Variants in MALT1 observed in about 807,000 individuals in gnomAD.
The protein encoded by MALT1 is MALT1 paracaspase, also known as mucosa-associated lymphoid tissue lymphoma translocation protein 1.
MALT1 carries 36 observed loss-of-function variants against 85.5 expected under a neutral mutation model. That is an observed-to-expected ratio of 0.42 (90% confidence interval 0.32 to 0.56). The LOEUF (loss-of-function observed/expected upper bound fraction) is 0.56, where lower values mean the gene tolerates loss of function less well. Ranked by LOEUF, MALT1 falls within the 20% of genes least tolerant of loss-of-function variation. The probability of loss-of-function intolerance (pLI) is 0.10; values close to 1 mark genes in which losing one functional copy is unlikely to be tolerated. For synonymous variants in MALT1, 359 were observed against 361.3 expected (o/e 0.99, Z 0.07); for missense variants, 716 against 981.6 (o/e 0.73, Z 3.62).
chr18:58,673,754 A>AT (rs2054201310), intron 1 of MALT1, among the ~76,000 whole-genome samples: 1 of 152,042 alleles, frequency 6.6e-6, no homozygotes, highest in East Asian at 1.9e-4. Context: ...TGGCCACATT[A>AT]TTTTCTTAAA....
In MALT1 at chr18:58,746,585, G is replaced by A. The variant is rs148847613; in HGVS notation, c.2037+794G>A. Among the ~76,000 whole-genome samples, 296 of 152,158 alleles carry A rather than the reference G, an allele frequency of 1.9e-3. 1 individual carries two copies. The highest frequency in any genetic ancestry group is 3.4e-3 in the Admixed American group (52 of 15,298). The stretch of plus-strand genomic sequence containing the variant: ...ACATAAACCTGTTGTCATCCTGTTC[G>A]GAGCTCATCTACTTAAAATCCTTTC... On this transcript the variant is annotated intron_variant, in intron 16 of 16. Coordinates refer to ENST00000649217, the MANE Select transcript of MALT1 (RefSeq NM_006785.4).
chr18:58,721,475 C>G (rs748391799), intron 9 of MALT1, among the ~76,000 whole-genome samples: 1 of 152,116 alleles, frequency 6.6e-6, no homozygotes, highest in Non-Finnish European at 1.5e-5. Context: ...ATTAATAATG[C>G]GGCTTAAGTA....
At chr18:58,697,472 G>A (rs1304895297) in intron 3 of MALT1, among the ~76,000 whole-genome samples, 2 of 152,190 alleles carry the variant, frequency 1.3e-5, no homozygotes, top group Non-Finnish European at 2.9e-5. Context: ...TATTAGCCAT[G>A]TGAATTCCTA....
chr18:58,715,934 G>T lies in MALT1; in HGVS notation c.986-1G>T. The T allele has an allele frequency of 6.2e-7, 1 of 1,601,776 alleles. No individual in the cohort carries two copies. The highest frequency in any genetic ancestry group is 8.5e-7 in the Non-Finnish European group (1 of 1,173,572). ...TGTTTTGCTTTTTTATCTTTGTATAGATAATAAAGAGCAAACAACTGACCA... is the reference window on the plus strand; with the variant it reads ...TGTTTTGCTTTTTTATCTTTGTATATATAATAAAGAGCAAACAACTGACCA... On this transcript the variant is annotated splice_acceptor_variant, in intron 8 of 16. Transcript: ENST00000649217. LOFTEE classifies it high-confidence loss of function.
chr18:58,738,125 C>G (rs2055250946), intron 13 of MALT1, among the ~76,000 whole-genome samples: 1 of 152,158 alleles, frequency 6.6e-6, no homozygotes, highest in African/African-American at 2.4e-5. Flanking sequence ...TTCCCCCACT[C>G]CATGATAACT....
At chr18:58,726,722 T>C (rs1225390190) in intron 10 of MALT1, among the ~76,000 whole-genome samples, 2 of 152,242 alleles carry the variant, frequency 1.3e-5, no homozygotes, top group Non-Finnish European at 2.9e-5. Context: ...TTATGTTGTA[T>C]AGATGGCCAG....
chr18:58,708,081 C>G (rs2054781996), intron 4 of MALT1, among the ~76,000 whole-genome samples: 1 of 152,198 alleles, frequency 6.6e-6, no homozygotes, highest in Non-Finnish European at 1.5e-5. Context: ...TTGCCCCCAG[C>G]CAGCCTTGGA....
chr18:58,743,504 T>TAA (rs143615513), intron 14 of MALT1, among the ~76,000 whole-genome samples: 37 of 152,186 alleles, frequency 2.4e-4, no homozygotes, highest in East Asian at 1.9e-4. Context: ...GTCTTTTCTC[T>TAA]AAAAAAGATC....
chr18:58,726,138 A>G (rs1047289212), intron 10 of MALT1, among the ~76,000 whole-genome samples: 10 of 152,230 alleles, frequency 6.6e-5, no homozygotes, highest in Non-Finnish European at 1.3e-4. Context: ...ACAAGACTGC[A>G]GTTTAGGCTG....
intron 10 of MALT1, among the ~76,000 whole-genome samples, chr18:58,726,948 A>G (rs1381048910): frequency 1.3e-5 from 2 of 152,236 alleles, no homozygotes; most frequent in Non-Finnish European, 2.9e-5. Flanking sequence ...CCTGGGTTCA[A>G]AGCTTTGGCT....
At chr18:58,707,049 TC>T (rs2054762459) in intron 4 of MALT1, among the ~76,000 whole-genome samples, 1 of 152,146 alleles carries the variant, frequency 6.6e-6, no homozygotes, top group African/African-American at 2.4e-5. Context: ...TCACTTTATC[TC>T]TTTTGTTTCC....
At chr18:58,709,922 TCCAAGCCA>T in intron 5 of MALT1, 46 bp from the exon 6 acceptor site, 1 of 1,148,896 alleles carries the variant, frequency 8.7e-7, no homozygotes, top group Non-Finnish European at 1.3e-6. Context: ...TGATTTTTTC[TCCAAGCCA>T]TTAAAATAGA....
chr18:58,724,949 C>T (rs1010680537), intron 10 of MALT1, among the ~76,000 whole-genome samples: 1 of 151,698 alleles, frequency 6.6e-6, no homozygotes, highest in Non-Finnish European at 1.5e-5. Flanking sequence ...GTTCGAGACC[C>T]TCCTGTCCAA....
chr18:58,702,937 G>T (rs2054694807), intron 4 of MALT1, among the ~76,000 whole-genome samples: 1 of 152,176 alleles, frequency 6.6e-6, no homozygotes, highest in Non-Finnish European at 1.5e-5. Flanking sequence ...GTTCTTTGTT[G>T]TATTTGCTGG....
chr18:58,677,783 G>A (rs1229480000), intron 1 of MALT1, among the ~76,000 whole-genome samples: 1 of 152,170 alleles, frequency 6.6e-6, no homozygotes, highest in Non-Finnish European at 1.5e-5. Flanking sequence ...GTGATATGAT[G>A]ATTCACATTT....
intron 1 of MALT1, among the ~76,000 whole-genome samples, chr18:58,676,944 A>C (rs2144299036): frequency 6.6e-6 from 1 of 152,348 alleles, no homozygotes; most frequent in Non-Finnish European, 1.5e-5. Flanking sequence ...AAGGGTGTAT[A>C]ATACATTCTA....
chr18:58,700,519 A>G lies in MALT1; in HGVS notation c.577A>G (p.Asn193Asp). The G allele has an allele frequency of 6.2e-7, 1 of 1,613,476 alleles. No individual in the cohort carries two copies. The highest frequency in any genetic ancestry group is 1.3e-5 in the African/African-American group (1 of 75,018). The stretch of plus-strand genomic sequence containing the variant: ...TGCAGGCTTTTATGTCTGTCGAGTT[A>G]ATAACAATTTCACCTTTGAATTCAG... ...KDAGFYVCRVNNNFTFEFSQW... is the reference protein window; with the variant it reads ...KDAGFYVCRVDNNFTFEFSQW... Residue 193 changes from asparagine (N) to aspartate (D), a missense_variant, in exon 4 of 17, where the codon AAT becomes GAT. Physicochemically the swap from Asn to Asp is conservative, Grantham distance 23 (BLOSUM62 1). Transcript: ENST00000649217.
chr18:58,710,903 T>C lies in MALT1; in HGVS notation c.926-18T>C. ...TCATGAATTACAATATATTCAAATT[T>C]GTTTTTTCTGAAACAAGGAAGAACA... is the stretch of plus-strand genomic sequence containing the variant. On this transcript the variant is annotated intron_variant, in intron 6 of 16. Transcript: ENST00000649217. 6.4e-7 allele frequency: 1 copy of C among 1,573,252 alleles called. No homozygotes were observed. Among genetic ancestry groups the C allele is most frequent in the South Asian group, 1.2e-5 (1 of 86,448 alleles).
Position 58,672,312 on chromosome 18 carries a change from C to T in MALT1, c.209+460C>T, listed in dbSNP as rs563734876. On this transcript the variant is annotated intron_variant, in intron 1 of 16. Transcript: ENST00000649217. ...GGTGATGAATGCAGAGGGTGGGGTG[C>T]AGGAATTCATGAACATTTTGCAAGG... 40 of 154,888 alleles carry T rather than the reference C, an allele frequency of 2.6e-4. No individual in the cohort carries two copies. In the East Asian group the frequency reaches 7.2e-3, roughly 28 times the overall value. The allele number at this position is 154,888 out of a possible 1,614,324, so 9.6% of individuals were successfully genotyped here.
Sources: gnomAD v4.1 joint callset for allele counts (sites outside exome capture counted in the v4.1 genomes callset) on GRCh38, gnomAD v4.1.1 for gene constraint, MANE v1.5 for transcripts, NCBI Gene and HGNC (gene_info 2026-07-23, HGNC 2026-07-21) for gene names.